DPH6: variants seen among roughly 807,000 people sequenced by gnomAD.
DPH6 encodes diphthamine biosynthesis 6, also known as diphthine--ammonia ligase.
In DPH6, 33 loss-of-function variants were observed where a neutral mutation model predicts 38.2. The ratio of observed to expected loss-of-function variants is 0.86; its 90% CI spans 0.65 to 1.15. The LOEUF is 1.15. Among genes scored for constraint, DPH6 ranks in the 50% most tolerant of loss-of-function variants. The probability of loss-of-function intolerance (pLI) is 0.00; values close to 1 mark genes in which losing one functional copy is unlikely to be tolerated. For synonymous variants in DPH6, 108 were observed against 103.0 expected, an observed-to-expected ratio of 1.05 and a Z score of -0.30; for missense variants, 325 against 320.0, an observed-to-expected ratio of 1.02 and a Z score of -0.12.
At chr15:35,515,809 G>A (rs1448511015) in intron 3 of DPH6, among the ~76,000 whole-genome samples, 1 of 151,368 alleles carries the variant, frequency 6.6e-6, no homozygotes, top group Non-Finnish European at 1.5e-5. Context: ...GAAGGCGGAA[G>A]ATTGTTTGAG....
At chr15:35,321,800 T>C (rs926088745) in intron 3 of DPH6, among the ~76,000 whole-genome samples, 6 of 152,228 alleles carry the variant, frequency 3.9e-5, no homozygotes, top group Non-Finnish European at 1.5e-5. Flanking sequence ...AATTTCATGA[T>C]GGGTTCTTTC....
intron 3 of DPH6, among the ~76,000 whole-genome samples, chr15:35,285,368 C>T (rs919751014): frequency 5.9e-5 from 9 of 151,948 alleles, no homozygotes; most frequent in Non-Finnish European, 1.2e-4. Context: ...AACATGGGGG[C>T]GGGTCTTTCT....
chr15:35,489,709 T>C, intron 3 of DPH6: 1 of 977,128 alleles, frequency 1.0e-6, no homozygotes. Context: ...TAATAAAAGG[T>C]TAGATATTAA....
chr15:35,490,238 C>T (rs2054458502), intron 3 of DPH6: 2 of 971,924 alleles, frequency 2.1e-6, no homozygotes, highest in African/African-American at 3.5e-5. Flanking sequence ...AAAAGAAAAA[C>T]AAATAAGAAG....
At chr15:35,226,434 TA>T (rs141891094) in intron 3 of DPH6, among the ~76,000 whole-genome samples, 2 of 151,740 alleles carry the variant, frequency 1.3e-5, no homozygotes, top group Non-Finnish European at 1.5e-5. Context: ...CACATACATT[TA>T]AAAAAAATAG....
At chr15:35,436,516 A>AAAAAAAAAAAC in intron 5 of DPH6, among the ~76,000 whole-genome samples, 1 of 144,262 alleles carries the variant, frequency 6.9e-6, no homozygotes, top group Non-Finnish European at 1.5e-5. Flanking sequence ...AAACAAAACA[A>AAAAAAAAAAAC]AAAAGGTTCT....
At chr15:35,182,140 A>G in the DPH6 span, among the ~76,000 whole-genome samples, 1 of 150,062 alleles carries the variant, frequency 6.7e-6, no homozygotes, top group Admixed American at 6.6e-5. Context: ...AAAGGAATTC[A>G]TGGCTAATTT....
chr15:35,336,592 T>G (rs538547483), intron 3 of DPH6, among the ~76,000 whole-genome samples: 3 of 152,298 alleles, frequency 2.0e-5, no homozygotes, highest in Non-Finnish European at 4.4e-5. Context: ...TTGTCATAGA[T>G]AGCTCTTATT....
At chr15:35,296,239 T>C (rs2140792896) in intron 3 of DPH6, among the ~76,000 whole-genome samples, 1 of 152,248 alleles carries the variant, frequency 6.6e-6, no homozygotes, top group South Asian at 2.1e-4. Flanking sequence ...ACGCCTGGCC[T>C]TACTATGTCC....
chr15:35,417,857 T>C (rs539445378), intron 5 of DPH6, among the ~76,000 whole-genome samples: 1 of 152,188 alleles, frequency 6.6e-6, no homozygotes, highest in African/African-American at 2.4e-5. Flanking sequence ...CCCAATACAA[T>C]TTCAGTATGC....
intron 3 of DPH6, among the ~76,000 whole-genome samples, chr15:35,230,997 C>T (rs1333386751): frequency 6.6e-6 from 1 of 152,216 alleles, no homozygotes; most frequent in Non-Finnish European, 1.5e-5. Context: ...CCCGTACTCC[C>T]TTAGCTGTCC....
intron 3 of DPH6, among the ~76,000 whole-genome samples, chr15:35,469,711 A>C (rs1294695803): frequency 6.6e-6 from 1 of 152,204 alleles, no homozygotes; most frequent in Non-Finnish European, 1.5e-5. Flanking sequence ...CAAGGTATCC[A>C]GTAGACAGTT....
At chr15:35,426,876 AAAAC>A (rs1883821242) in intron 5 of DPH6, among the ~76,000 whole-genome samples, 1 of 151,586 alleles carries the variant, frequency 6.6e-6, no homozygotes, top group African/African-American at 2.4e-5. Flanking sequence ...TAAAAAAAAA[AAAAC>A]AACCTTGAAA....
intron 3 of DPH6, among the ~76,000 whole-genome samples, chr15:35,286,979 C>CT (rs1053659216): frequency 3.3e-5 from 5 of 152,090 alleles, no homozygotes; most frequent in African/African-American, 9.6e-5. Flanking sequence ...GGTGCCTTTT[C>CT]TTTTTTTGAC....
rs181027831 is a variant in DPH6 at position 35,385,536 on chromosome 15, T to C, written c.568-3620A>G. ...GGAACAGAAAACCAAACACTGCATG[T>C]TCTCACTCATAAGTGGGAGTTGAAC... On this transcript the variant is annotated intron_variant, in intron 6 of 8. Coordinates refer to ENST00000256538, the MANE Select transcript of DPH6 (RefSeq NM_080650.4). Among the ~76,000 whole-genome samples the C allele has an allele frequency of 2.9e-3, 442 of 152,176 alleles. 8 individuals are homozygous for C. The highest frequency in any genetic ancestry group is 4.5e-3 in the Non-Finnish European group (305 of 68,018).
At position 35,319,611 on chromosome 15, in the gene DPH6, C is replaced by T. The variant is rs1238745518; in HGVS notation, n.200+53910G>A. ...CAAAAATTAGCCAGGCGTGTTGGTG[C>T]GTGCCTATAATCCCAGCTACTCAGA... On this transcript the variant is annotated intron_variant and non_coding_transcript_variant, in intron 3 of 3. Coordinates refer to the DPH6 transcript ENST00000560386. 2.6e-5 allele frequency among the ~76,000 whole-genome samples: 4 copies of T among 151,950 alleles called. No individual in the cohort carries two copies. The East Asian group carries it at 5.8e-4, about 22-fold the overall frequency.
intron 3 of DPH6, among the ~76,000 whole-genome samples, chr15:35,467,039 C>T (rs1483051320): frequency 6.6e-6 from 1 of 151,518 alleles, no homozygotes; most frequent in Non-Finnish European, 1.5e-5. Flanking sequence ...TTTAGCTGCA[C>T]TAAATTTATA....
chr15:35,511,676 T>C (rs1294805186), intron 3 of DPH6, among the ~76,000 whole-genome samples: 1 of 151,678 alleles, frequency 6.6e-6, no homozygotes, highest in African/African-American at 2.4e-5. Flanking sequence ...TTCATATCAC[T>C]GACAAGAAAC....
chr15:35,474,945 A>T (rs1209080507), intron 3 of DPH6, among the ~76,000 whole-genome samples: 1 of 152,004 alleles, frequency 6.6e-6, no homozygotes, highest in East Asian at 1.9e-4. Flanking sequence ...ACTTGGATAC[A>T]ATCACATTTG....
Sources: gnomAD v4.1 joint callset for allele counts (sites outside exome capture counted in the v4.1 genomes callset) on GRCh38, gnomAD v4.1.1 for gene constraint, MANE v1.5 for transcripts, NCBI Gene and HGNC (gene_info 2026-07-23, HGNC 2026-07-21) for gene names.